B3GALT1: variants seen among roughly 807,000 people sequenced by gnomAD.
B3GALT1 encodes UDP-Gal:betaGlcNAc beta 1,3-galactosyltransferase, polypeptide 1.
In B3GALT1, 10 loss-of-function variants were observed where a neutral mutation model predicts 23.2. The ratio of observed to expected loss-of-function variants is 0.43; its 90% CI spans 0.27 to 0.73. B3GALT1 has a LOEUF of 0.73. B3GALT1 is among the 30% of genes least tolerant of loss of function. The pLI is 0.21. For missense variants in B3GALT1, 299 were observed against 405.4 expected (o/e 0.74, Z 2.25); for synonymous variants, 156 against 141.5 (o/e 1.10, Z -0.73).
rs200883291 is a variant in B3GALT1, at chr2:167,813,953, G to GT, written c.-351-4718dup. On this transcript the variant is annotated intron_variant, in intron 3 of 4. Coordinates refer to ENST00000392690, the MANE Select transcript of B3GALT1 (RefSeq NM_020981.4). Reference sequence around the variant, plus strand: ...TTCTTTGGTTGAATTCTTGGCTAATGTATCTAAAATCTTCTCCTACCTTCT... The same window carrying GT: ...TTCTTTGGTTGAATTCTTGGCTAATGTTATCTAAAATCTTCTCCTACCTTCT... Among the ~76,000 whole-genome samples, 910 of 151,062 alleles carry GT rather than the reference G, an allele frequency of 6.0e-3. 14 individuals are homozygous for GT. The highest frequency in any genetic ancestry group is 0.021 in the African/African-American group (864 of 41,412).
At chr2:167,846,945 A>G (rs1435419848) in intron 4 of B3GALT1, among the ~76,000 whole-genome samples, 2 of 152,250 alleles carry the variant, frequency 1.3e-5, no homozygotes, top group Non-Finnish European at 2.9e-5. Context: ...AAAAATGAGC[A>G]GGACTAGCTA....
chr2:167,611,616 A>T (rs996111812), intron 2 of B3GALT1, among the ~76,000 whole-genome samples: 1 of 152,018 alleles, frequency 6.6e-6, no homozygotes, highest in Admixed American at 6.6e-5. Context: ...GTTGTAGTTA[A>T]GAAATGATGT....
chr2:167,434,151 G>T (rs1195276148), intron 1 of B3GALT1, among the ~76,000 whole-genome samples: 1 of 152,148 alleles, frequency 6.6e-6, no homozygotes, highest in African/African-American at 2.4e-5. Flanking sequence ...CATGGACATA[G>T]TCAAGATATT....
intron 3 of B3GALT1, among the ~76,000 whole-genome samples, chr2:167,657,658 G>C (rs12692861): frequency 0.67 from 101,218 of 151,954 alleles, 35,455 homozygotes; most frequent in South Asian, 0.83. Context: ...TTCTGTTTAG[G>C]TGTCAGTCTA....
intron 1 of B3GALT1, among the ~76,000 whole-genome samples, chr2:167,317,221 A>G (rs1574030116): frequency 6.6e-6 from 1 of 152,306 alleles, no homozygotes; most frequent in Admixed American, 6.5e-5. Context: ...TGATTGAAAC[A>G]TAAATGAACA....
chr2:167,715,996 C>T lies in B3GALT1; in HGVS notation c.-352+69030C>T, dbSNP rs531436425. ...TGTCTCATACTCTCAGGTAGTGCTG[C>T]CACAATTCTGCGTAGCTCCTCCAGG... is the stretch of plus-strand genomic sequence containing the variant. On this transcript the variant is annotated intron_variant, in intron 3 of 4. Transcript: ENST00000392690. 34 of 1,611,954 alleles carry T rather than the reference C, an allele frequency of 2.1e-5. No homozygotes were observed. In the East Asian group the frequency reaches 7.4e-4, roughly 35 times the overall value.
At chr2:167,660,151 T>C (rs772969074) in intron 3 of B3GALT1, among the ~76,000 whole-genome samples, 16 of 152,080 alleles carry the variant, frequency 1.1e-4, no homozygotes, top group Admixed American at 6.6e-4. Context: ...ATGCAGCATG[T>C]TTAGGAAGTG....
At chr2:167,348,683 G>A (rs1012096452) in intron 1 of B3GALT1, among the ~76,000 whole-genome samples, 28 of 152,000 alleles carry the variant, frequency 1.8e-4, no homozygotes, top group Non-Finnish European at 3.8e-4. Flanking sequence ...ATTCATTCAG[G>A]ATGTAAGGCA....
chr2:167,511,354 G>T (rs1700001156), intron 2 of B3GALT1, among the ~76,000 whole-genome samples: 1 of 152,050 alleles, frequency 6.6e-6, no homozygotes, highest in South Asian at 2.1e-4. Flanking sequence ...TGGAATTCTT[G>T]GTTCTCAGGA....
At chr2:167,678,833 A>G (rs1052881793) in intron 3 of B3GALT1, among the ~76,000 whole-genome samples, 3 of 152,222 alleles carry the variant, frequency 2.0e-5, no homozygotes, top group Admixed American at 6.5e-5. Context: ...TTACGTAAGT[A>G]TATTAAACAT....
chr2:167,713,374 A>G (rs1016851195), intron 3 of B3GALT1, among the ~76,000 whole-genome samples: 1 of 152,246 alleles, frequency 6.6e-6, no homozygotes, highest in African/African-American at 2.4e-5. Context: ...AATGAAGTGA[A>G]AATTCTATAA....
At chr2:167,392,451 A>T (rs1025218358) in intron 1 of B3GALT1, among the ~76,000 whole-genome samples, 12 of 152,146 alleles carry the variant, frequency 7.9e-5, no homozygotes, top group African/African-American at 2.9e-4. Flanking sequence ...GCTCCAAGTA[A>T]TTTTGATACT....
chr2:167,836,183 CG>C (rs1558996568), intron 4 of B3GALT1, among the ~76,000 whole-genome samples: 2 of 152,098 alleles, frequency 1.3e-5, no homozygotes, highest in African/African-American at 4.8e-5. Context: ...GGACGGAGAA[CG>C]ACTTTGACAA....
At chr2:167,421,492 G>T (rs1916744) in intron 1 of B3GALT1, among the ~76,000 whole-genome samples, 142,152 of 152,268 alleles carry the variant, frequency 0.93, 66,816 homozygotes, top group Non-Finnish European at 0.99. Flanking sequence ...ACTCTTTATA[G>T]GTAGAGTTGT....
rs564142444 is a variant in B3GALT1 at position 167,829,664 on chromosome 2, C to T, written c.-230+10871C>T. ...CACTCTTGAAAAGTCTCAGTTGATG[C>T]CTTTCCTTCTCTCCTCCTTTGTTGA... On this transcript the variant is annotated intron_variant, in intron 4 of 4. Transcript: ENST00000392690. Among the ~76,000 whole-genome samples, 126 of 152,290 alleles carry T rather than the reference C, an allele frequency of 8.3e-4. 1 individual carries two copies. The highest frequency in any genetic ancestry group is 3.4e-3 in the Middle Eastern group (1 of 294).
chr2:167,522,426 T>C (rs985370756), intron 2 of B3GALT1, among the ~76,000 whole-genome samples: 1 of 152,124 alleles, frequency 6.6e-6, no homozygotes, highest in Non-Finnish European at 1.5e-5. Flanking sequence ...TAAAACCATA[T>C]ACCAGTGAAA....
intron 3 of B3GALT1, among the ~76,000 whole-genome samples, chr2:167,740,592 A>C (rs1687564140): frequency 6.6e-6 from 1 of 152,232 alleles, no homozygotes. Context: ...AATGGCCCAC[A>C]TAGTAAATTA....
chr2:167,738,552 C>T (rs544945363), intron 3 of B3GALT1, among the ~76,000 whole-genome samples: 3 of 152,100 alleles, frequency 2.0e-5, no homozygotes, highest in Non-Finnish European at 4.4e-5. Flanking sequence ...CAATGGAGTT[C>T]TTATGTTTTT....
chr2:167,542,626 A>G (rs930698596), intron 2 of B3GALT1, among the ~76,000 whole-genome samples: 1 of 152,190 alleles, frequency 6.6e-6, no homozygotes, highest in Non-Finnish European at 1.5e-5. Flanking sequence ...CCACTTGTAT[A>G]AAAGGTACTT....
Sources: gnomAD v4.1 joint callset for allele counts (sites outside exome capture counted in the v4.1 genomes callset) on GRCh38, gnomAD v4.1.1 for gene constraint, MANE v1.5 for transcripts, NCBI Gene and HGNC (gene_info 2026-07-23, HGNC 2026-07-21) for gene names.